DCDC1: variants seen among roughly 807,000 people sequenced by gnomAD.
DCDC1 encodes doublecortin domain containing 1, also known as doublecortin domain-containing protein 1.
A neutral mutation model predicts 178.3 loss-of-function variants in DCDC1; 200 were observed. The observed-to-expected ratio is 1.12, with a 90% confidence interval of 1.00 to 1.26. The LOEUF (loss-of-function observed/expected upper bound fraction) is 1.26, where lower values mean the gene tolerates loss of function less well. Ranked by LOEUF, DCDC1 falls within the 50% of genes most tolerant of loss-of-function variation. The probability of loss-of-function intolerance (pLI) is 0.00; values close to 1 mark genes in which losing one functional copy is unlikely to be tolerated. For synonymous variants in DCDC1, 690 were observed against 604.8 expected (o/e 1.14, Z -2.07); for missense variants, 1,983 against 1,749.2 (o/e 1.13, Z -2.38).
intron 20 of DCDC1, among the ~76,000 whole-genome samples, chr11:30,979,196 T>C (rs1313960391): frequency 1.3e-5 from 2 of 152,026 alleles, no homozygotes; most frequent in East Asian, 1.9e-4. Flanking sequence ...AAGTACATCA[T>C]CACACTTCGA....
chr11:31,243,550 A>C (rs1235477253), intron 8 of DCDC1, among the ~76,000 whole-genome samples: 1 of 151,800 alleles, frequency 6.6e-6, no homozygotes, highest in Non-Finnish European at 1.5e-5. Flanking sequence ...CTTTCAGATT[A>C]TTTATGTCAG....
Position 30,952,428 on chromosome 11 carries a change from A to G in DCDC1, c.2715+17T>C. On this transcript the variant is annotated intron_variant, in intron 21 of 38. Transcript: ENST00000684477. ...AAGTAAGTCTCAATGACCATCTCTT[A>G]AGCTAAGCAACACAACCTCATTAAG... 6.5e-7 allele frequency: 1 copy of G among 1,540,942 alleles called. No homozygotes were observed. The highest frequency in any genetic ancestry group is 8.7e-7 in the Non-Finnish European group (1 of 1,142,934).
At chr11:31,193,887 T>C (rs957106714) in intron 9 of DCDC1, among the ~76,000 whole-genome samples, 1 of 152,086 alleles carries the variant, frequency 6.6e-6, no homozygotes, top group African/African-American at 2.4e-5. Context: ...AAAATATTTT[T>C]AGAAAGTACT....
intron 1 of DCDC1, among the ~76,000 whole-genome samples, chr11:31,351,530 A>G (rs547724884): frequency 5.9e-5 from 9 of 152,292 alleles, no homozygotes; most frequent in Admixed American, 5.9e-4. Context: ...TCATGTAGCA[A>G]TGGAGCAGGC....
At chr11:30,917,120 G>A in intron 25 of DCDC1, 92 bp from the exon 26 acceptor site, 1 of 1,207,608 alleles carries the variant, frequency 8.3e-7, no homozygotes, top group Non-Finnish European at 1.1e-6. Flanking sequence ...ATATTCCACA[G>A]GATGTTGGTG....
chr11:31,017,781 A>T lies in DCDC1; in HGVS notation c.2591+46688T>A, dbSNP rs528443573. Among the ~76,000 whole-genome samples, 10 of 152,162 alleles carry T rather than the reference A, an allele frequency of 6.6e-5. No individual in the cohort carries two copies. In the East Asian group the frequency reaches 1.9e-3, roughly 29 times the overall value. ...TTTTGATTTTCTTTGTAGACATGAGATCTTACTTACTATGTTGCCCAGGCT... is the reference window on the plus strand; with the variant it reads ...TTTTGATTTTCTTTGTAGACATGAGTTCTTACTTACTATGTTGCCCAGGCT... On this transcript the variant is annotated intron_variant, in intron 20 of 38. Transcript: ENST00000684477.
intron 7 of DCDC1, among the ~76,000 whole-genome samples, chr11:31,282,546 T>C (rs1389823257): frequency 6.6e-6 from 1 of 152,118 alleles, no homozygotes; most frequent in Non-Finnish European, 1.5e-5. Context: ...TCTAATTTAA[T>C]TCTTTTGCAG....
intron 1 of DCDC1, among the ~76,000 whole-genome samples, chr11:31,362,738 A>T (rs1281562895): frequency 1.3e-5 from 2 of 152,194 alleles, no homozygotes; most frequent in Non-Finnish European, 2.9e-5. Context: ...AAAGTATTTT[A>T]AAAATATGAT....
intron 8 of DCDC1, among the ~76,000 whole-genome samples, chr11:31,263,997 C>A (rs1256622525): frequency 6.6e-6 from 1 of 152,144 alleles, no homozygotes; most frequent in African/African-American, 2.4e-5. Flanking sequence ...TCTCTTTTGA[C>A]AAAGACAATG....
chr11:31,325,195 C>T (rs1949582141), intron 3 of DCDC1, among the ~76,000 whole-genome samples: 1 of 152,098 alleles, frequency 6.6e-6, no homozygotes, highest in African/African-American at 2.4e-5. Flanking sequence ...TCTTCCACTC[C>T]AGCATTTGGA....
chr11:31,079,166 C>T (rs1350364301), intron 17 of DCDC1, among the ~76,000 whole-genome samples: 1 of 152,082 alleles, frequency 6.6e-6, no homozygotes, highest in African/African-American at 2.4e-5. Context: ...TGTCCCTGTG[C>T]CTTCTCTTAG....
chr11:30,937,747 A>G (rs1947365070), intron 21 of DCDC1, among the ~76,000 whole-genome samples: 1 of 151,872 alleles, frequency 6.6e-6, no homozygotes, highest in Non-Finnish European at 1.5e-5. Flanking sequence ...TTTCTATTTT[A>G]TCTTCCTTAT....
At chr11:31,117,247 C>T (rs2135854403) in intron 11 of DCDC1, among the ~76,000 whole-genome samples, 1 of 152,170 alleles carries the variant, frequency 6.6e-6, no homozygotes, top group East Asian at 1.9e-4. Context: ...GGTTGGGCAA[C>T]AGTGGTTTCA....
At chr11:31,012,787 A>T (rs188648539) in intron 20 of DCDC1, among the ~76,000 whole-genome samples, 73 of 152,326 alleles carry the variant, frequency 4.8e-4, no homozygotes, top group South Asian at 3.9e-3. Flanking sequence ...AAAGCAAGAA[A>T]CAAAATAGTA....
At chr11:30,989,435 G>A (rs1403177931) in intron 20 of DCDC1, among the ~76,000 whole-genome samples, 1 of 152,152 alleles carries the variant, frequency 6.6e-6, no homozygotes, top group East Asian at 1.9e-4. Context: ...GGTTGAATCT[G>A]AGAGCCCTAT....
intron 20 of DCDC1, among the ~76,000 whole-genome samples, chr11:30,973,640 A>T (rs1321039411): frequency 2.0e-5 from 3 of 152,204 alleles, no homozygotes; most frequent in Non-Finnish European, 2.9e-5. Context: ...TAAAATAATA[A>T]AAAGAGACAA....
At chr11:30,976,985 G>A (rs1950138839) in intron 20 of DCDC1, among the ~76,000 whole-genome samples, 1 of 152,144 alleles carries the variant, frequency 6.6e-6, no homozygotes, top group Non-Finnish European at 1.5e-5. Flanking sequence ...TATATAAAAT[G>A]GAATATTATT....
intron 8 of DCDC1, among the ~76,000 whole-genome samples, chr11:31,249,258 T>C (rs1217179134): frequency 1.3e-5 from 2 of 152,036 alleles, no homozygotes; most frequent in African/African-American, 2.4e-5. Flanking sequence ...TATTAAAGAG[T>C]CTACAAATAA....
intron 2 of DCDC1, among the ~76,000 whole-genome samples, chr11:31,331,054 T>C (rs1949954828): frequency 6.6e-6 from 1 of 152,228 alleles, no homozygotes; most frequent in Non-Finnish European, 1.5e-5. Flanking sequence ...TTCTGTCCTC[T>C]TTTATTTCTT....
Sources: allele counts gnomAD v4.1 joint callset (sites outside exome capture counted in the v4.1 genomes callset), GRCh38; gene constraint gnomAD v4.1.1; transcripts MANE v1.5; gene names NCBI Gene and HGNC (gene_info 2026-07-23, HGNC 2026-07-21).